BLTP3B: variants seen among roughly 807,000 people sequenced by gnomAD.
BLTP3B encodes UHRF1 (ICBP90) binding protein 1-like.
At chr12:100,129,716 A>C in the BLTP3B span, among the ~76,000 whole-genome samples, 5 of 152,332 alleles carry the variant, frequency 3.3e-5, no homozygotes, top group Admixed American at 6.5e-5. Flanking sequence ...TGAGAGAAGA[A>C]GGCCTATTAT....
At chr12:100,098,672 C>T in the BLTP3B span, 3 of 899,320 alleles carry the variant, frequency 3.3e-6, no homozygotes, top group Non-Finnish European at 4.8e-6. Flanking sequence ...GAGGCTGAGG[C>T]AGGCAGATCA....
At chr12:100,064,943 G>T in the BLTP3B span, among the ~76,000 whole-genome samples, 2 of 150,434 alleles carry the variant, frequency 1.3e-5, no homozygotes, top group East Asian at 3.9e-4. Flanking sequence ...ATGATGAATG[G>T]AATGGTACCT....
the BLTP3B span, among the ~76,000 whole-genome samples, chr12:100,121,817 G>A: frequency 2.6e-5 from 4 of 152,062 alleles, no homozygotes; most frequent in Non-Finnish European, 5.9e-5. Context: ...CAACAAGAGC[G>A]AAAGTCCGTC....
chr12:100,124,966 A>ATATATT, the BLTP3B span, among the ~76,000 whole-genome samples: 1 of 97,680 alleles, frequency 1.0e-5, no homozygotes, highest in South Asian at 3.3e-4. Context: ...ATATATATAT[A>ATATATT]TATATATATA....
the BLTP3B span, among the ~76,000 whole-genome samples, chr12:100,133,639 T>C: frequency 6.6e-6 from 1 of 152,236 alleles, no homozygotes; most frequent in Non-Finnish European, 1.5e-5. Context: ...CAAATGTCAA[T>C]GTTTTAATAA....
chr12:100,081,284 T>C, the BLTP3B span, among the ~76,000 whole-genome samples: 4 of 152,342 alleles, frequency 2.6e-5, no homozygotes, highest in Non-Finnish European at 5.9e-5. Flanking sequence ...ATTTGTATAA[T>C]GTGACTACAA....
chr12:100,084,967 C>T, the BLTP3B span, among the ~76,000 whole-genome samples: 3,260 of 152,086 alleles, frequency 0.021, 116 homozygotes, highest in African/African-American at 0.072. Context: ...ACCTGGTAAA[C>T]CTGCATTAAA....
At chr12:100,115,143 C>T in the BLTP3B span, among the ~76,000 whole-genome samples, 15 of 152,206 alleles carry the variant, frequency 9.9e-5, no homozygotes, top group Non-Finnish European at 7.3e-5. Context: ...CAGTAGCTCA[C>T]GCCTGTAATC....
the BLTP3B span, among the ~76,000 whole-genome samples, chr12:100,095,213 T>C: frequency 5.3e-4 from 80 of 152,304 alleles, 1 homozygote; most frequent in African/African-American, 1.9e-3. Flanking sequence ...TAGCTCATTA[T>C]GCTTGTCCCT....
At chr12:100,072,753 A>AT in the BLTP3B span, 1 of 1,607,548 alleles carries the variant, frequency 6.2e-7, no homozygotes, top group Non-Finnish European at 8.5e-7. Context: ...AGATATAGGG[A>AT]TTTTTTATTG....
chr12:100,064,529 T>C, the BLTP3B span, among the ~76,000 whole-genome samples: 8 of 152,268 alleles, frequency 5.3e-5, no homozygotes, highest in East Asian at 1.9e-4. Flanking sequence ...TCTTAAGAGC[T>C]GTGAGACAGA....
At chr12:100,134,480 G>A in the BLTP3B span, among the ~76,000 whole-genome samples, 1 of 152,026 alleles carries the variant, frequency 6.6e-6, no homozygotes, top group African/African-American at 2.4e-5. Context: ...AGCCAAACAT[G>A]GTGGCGGCTG....
chr12:100,069,475 T>C, the BLTP3B span, among the ~76,000 whole-genome samples: 1 of 152,158 alleles, frequency 6.6e-6, no homozygotes, highest in Non-Finnish European at 1.5e-5. Flanking sequence ...TATATATGTA[T>C]ATACATACAT....
the BLTP3B span, among the ~76,000 whole-genome samples, chr12:100,122,182 C>T: frequency 1.4e-4 from 21 of 152,078 alleles, no homozygotes; most frequent in Admixed American, 4.6e-4. Context: ...GTATTAGAAC[C>T]ATGGCCTTTT....
At chr12:100,112,821 C>T in the BLTP3B span, among the ~76,000 whole-genome samples, 5 of 148,560 alleles carry the variant, frequency 3.4e-5, no homozygotes, top group Non-Finnish European at 5.9e-5. Flanking sequence ...GATTGCACCA[C>T]TGCACTCCAG....
At chr12:100,057,782 G>A in the BLTP3B span, 19 of 1,523,594 alleles carry the variant, frequency 1.2e-5, no homozygotes, top group African/African-American at 2.8e-5. Context: ...ATTACATATA[G>A]AGAAAAGAAT....
the BLTP3B span, chr12:100,051,724 G>T: frequency 6.6e-6 from 1 of 152,188 alleles, no homozygotes; most frequent in Non-Finnish European, 1.5e-5. Context: ...ACATCATCAG[G>T]GGTTAAGAAG....
the BLTP3B span, chr12:100,084,483 T>TGTG: frequency 6.2e-7 from 1 of 1,612,132 alleles, no homozygotes; most frequent in Admixed American, 1.7e-5. Flanking sequence ...TACCTGTTTG[T>TGTG]GTGTGCTGGG....
chr12:100,132,637 CTT>C, the BLTP3B span, among the ~76,000 whole-genome samples: 1 of 152,158 alleles, frequency 6.6e-6, no homozygotes, highest in Non-Finnish European at 1.5e-5. Context: ...AAATAAACCT[CTT>C]TTCTTTATAA....
Sources: allele counts gnomAD v4.1 joint callset (sites outside exome capture counted in the v4.1 genomes callset), GRCh38; gene constraint gnomAD v4.1.1; transcripts MANE v1.5; gene names NCBI Gene and HGNC (gene_info 2026-07-23, HGNC 2026-07-21).